Variants in ZFPM2 observed in about 807,000 individuals in gnomAD.
ZFPM2 encodes the protein zinc finger protein, FOG family member 2, also known as zinc finger protein ZFPM2.
Under a neutral mutation model 98.6 loss-of-function variants are expected in ZFPM2, and 20 were observed. That is an observed-to-expected ratio of 0.20 (90% CI 0.14 to 0.29). The LOEUF is 0.29. Among genes scored for constraint, ZFPM2 ranks in the 10% least tolerant of loss-of-function variants. The pLI is 1.00. For synonymous variants in ZFPM2, 518 were observed against 502.7 expected, an observed-to-expected ratio of 1.03 and a Z score of -0.41; for missense variants, 1,310 against 1,388.6, an observed-to-expected ratio of 0.94 and a Z score of 0.90.
At chr8:105,678,777 A>G (rs1665854105) in intron 5 of ZFPM2, 1 of 152,226 alleles carries the variant, frequency 6.6e-6, no homozygotes, top group African/African-American at 2.4e-5. Context: ...GTGACAGTCA[A>G]GCTACAGTGG....
chr8:105,626,381 GATACA>G (rs769447516), intron 4 of ZFPM2, among the ~76,000 whole-genome samples: 179 of 152,304 alleles, frequency 1.2e-3, no homozygotes, highest in Admixed American at 4.4e-3. Flanking sequence ...AAAGGAGAGT[GATACA>G]ATATTTTCCT....
intron 5 of ZFPM2, chr8:105,737,892 C>A (rs2131027024): frequency 6.6e-6 from 1 of 151,858 alleles, no homozygotes; most frequent in Admixed American, 6.6e-5. Context: ...CTAGTGGGTG[C>A]TTTCTTATAA....
chr8:105,644,791 C>G (rs1817011985), intron 5 of ZFPM2, among the ~76,000 whole-genome samples: 1 of 152,120 alleles, frequency 6.6e-6, no homozygotes. Context: ...ACAGTGGGAG[C>G]TAAGGAGATC....
chr8:105,728,091 A>G (rs1433857148), intron 5 of ZFPM2, among the ~76,000 whole-genome samples: 5 of 151,736 alleles, frequency 3.3e-5, no homozygotes, highest in African/African-American at 1.2e-4. Flanking sequence ...TTTAACAAGT[A>G]TGCAAATAAG....
intron 4 of ZFPM2, among the ~76,000 whole-genome samples, chr8:105,581,975 T>G (rs1046411588): frequency 6.6e-6 from 1 of 152,256 alleles, no homozygotes; most frequent in Non-Finnish European, 1.5e-5. Flanking sequence ...AGTGGGGCCT[T>G]GATAAGATCA....
At chr8:105,357,002 AC>A (rs1812760601) in intron 1 of ZFPM2, among the ~76,000 whole-genome samples, 1 of 151,964 alleles carries the variant, frequency 6.6e-6, no homozygotes, top group Non-Finnish European at 1.5e-5. Flanking sequence ...CAATTTGTCT[AC>A]CCTGTTTTAG....
chr8:105,341,864 T>G (rs528836298), intron 1 of ZFPM2, among the ~76,000 whole-genome samples: 9 of 152,158 alleles, frequency 5.9e-5, no homozygotes, highest in Non-Finnish European at 1.2e-4. Flanking sequence ...TGAAATGTTA[T>G]AGTTTTGTAC....
At chr8:105,436,522 A>C (rs1334230632) in intron 2 of ZFPM2, among the ~76,000 whole-genome samples, 1 of 152,084 alleles carries the variant, frequency 6.6e-6, no homozygotes, top group African/African-American at 2.4e-5. Context: ...CAAAAAAAAA[A>C]AAAAAAAATT....
intron 4 of ZFPM2, among the ~76,000 whole-genome samples, chr8:105,576,328 T>A (rs1037654355): frequency 1.3e-5 from 2 of 152,062 alleles, no homozygotes; most frequent in Non-Finnish European, 2.9e-5. Flanking sequence ...TGAATAAACA[T>A]AGAGGCACAA....
intron 5 of ZFPM2, among the ~76,000 whole-genome samples, chr8:105,762,538 G>A (rs1812754886): frequency 6.6e-6 from 1 of 151,982 alleles, no homozygotes; most frequent in Admixed American, 6.6e-5. Context: ...CACAATGCCA[G>A]TGTAACAGAT....
intron 3 of ZFPM2, among the ~76,000 whole-genome samples, chr8:105,558,037 C>T (rs982073589): frequency 6.7e-6 from 1 of 149,538 alleles, no homozygotes; most frequent in Non-Finnish European, 1.5e-5. Context: ...TATTTGAGGC[C>T]GTTCAGCTGG....
intron 4 of ZFPM2, among the ~76,000 whole-genome samples, chr8:105,590,634 G>A (rs889018009): frequency 3.3e-5 from 5 of 152,238 alleles, no homozygotes; most frequent in African/African-American, 1.2e-4. Context: ...GCCCTATTAT[G>A]GATGTGGAGG....
chr8:105,401,439 C>T (rs1409142118), intron 1 of ZFPM2, among the ~76,000 whole-genome samples: 1 of 151,992 alleles, frequency 6.6e-6, no homozygotes, highest in Non-Finnish European at 1.5e-5. Context: ...TACCATTTTT[C>T]TAATAAATTT....
At chr8:105,789,757 A>AC (rs1458851423) in intron 6 of ZFPM2, among the ~76,000 whole-genome samples, 2 of 152,116 alleles carry the variant, frequency 1.3e-5, no homozygotes, top group African/African-American at 4.8e-5. Context: ...TTGTTTCCTG[A>AC]CTTTTTAATG....
chr8:105,597,599 T>C lies in ZFPM2; in HGVS notation c.420+36118T>C, dbSNP rs151289744. 3.9e-3 allele frequency among the ~76,000 whole-genome samples: 594 copies of C among 152,250 alleles called. 2 individuals carry two copies. The highest frequency in any genetic ancestry group is 0.013 in the African/African-American group (559 of 41,588). On this transcript the variant is annotated intron_variant, in intron 4 of 7. Coordinates refer to ENST00000407775, the MANE Select transcript of ZFPM2 (RefSeq NM_012082.4). ...TTTTTATGTTGAAGCCATTTTCAAC[T>C]TTTTCTTTGCATTGTTTTTCATCAT...
At chr8:105,722,542 G>T (rs1256038368) in intron 5 of ZFPM2, among the ~76,000 whole-genome samples, 1 of 151,812 alleles carries the variant, frequency 6.6e-6, no homozygotes, top group Non-Finnish European at 1.5e-5. Flanking sequence ...CACATATTTT[G>T]TATGTTATGT....
intron 3 of ZFPM2, among the ~76,000 whole-genome samples, chr8:105,533,312 G>A (rs1300463053): frequency 6.6e-6 from 1 of 152,034 alleles, no homozygotes. Context: ...TGAAAGCTGT[G>A]ACAGTTTAGA....
chr8:105,417,784 A>G (rs2130072330), intron 1 of ZFPM2, among the ~76,000 whole-genome samples: 1 of 152,286 alleles, frequency 6.6e-6, no homozygotes, highest in South Asian at 2.1e-4. Context: ...TTAACCTTCT[A>G]CCTTGAGCAT....
chr8:105,762,493 A>G (rs1158354569), intron 5 of ZFPM2, among the ~76,000 whole-genome samples: 1 of 151,908 alleles, frequency 6.6e-6, no homozygotes, highest in Admixed American at 6.6e-5. Context: ...TGTCACCTAT[A>G]TCATGTTAAG....
Sources: gnomAD v4.1 joint callset for allele counts (sites outside exome capture counted in the v4.1 genomes callset) on GRCh38, gnomAD v4.1.1 for gene constraint, MANE v1.5 for transcripts, NCBI Gene and HGNC (gene_info 2026-07-23, HGNC 2026-07-21) for gene names.